The following TENM2 variants were observed in gnomAD, a reference collection of about 807,000 sequenced individuals.
TENM2 encodes teneurin-2.
In TENM2, 52 loss-of-function variants were observed where a neutral mutation model predicts 245.2. The ratio of observed to expected loss-of-function variants is 0.21; its 90% CI spans 0.17 to 0.27. TENM2 has a LOEUF of 0.27. Among genes scored for constraint, TENM2 ranks in the 10% least tolerant of loss-of-function variants. The pLI is 1.00. For synonymous variants in TENM2, 1,363 were observed against 1,438.9 expected (o/e 0.95, Z 1.19); for missense variants, 3,046 against 3,666.8 (o/e 0.83, Z 4.37).
chr5:167,740,384 C>T (rs190540743), intron 2 of TENM2, among the ~76,000 whole-genome samples: 93 of 152,286 alleles, frequency 6.1e-4, no homozygotes, highest in South Asian at 1.2e-3. Flanking sequence ...TGGGAAACCT[C>T]GTGCACCCAG....
chr5:167,382,314 A>G (rs1352407730), intron 2 of TENM2, among the ~76,000 whole-genome samples: 1 of 152,198 alleles, frequency 6.6e-6, no homozygotes, highest in African/African-American at 2.4e-5. Flanking sequence ...GTTGGAGACA[A>G]TAAAGCGAAG....
At chr5:167,525,709 G>A (rs1771065196) in intron 2 of TENM2, among the ~76,000 whole-genome samples, 1 of 151,908 alleles carries the variant, frequency 6.6e-6, no homozygotes, top group African/African-American at 2.4e-5. Flanking sequence ...TTTAAACTGC[G>A]ATCATTTTAT....
intron 5 of TENM2, among the ~76,000 whole-genome samples, chr5:168,017,655 C>T (rs1047021228): frequency 1.3e-5 from 2 of 152,174 alleles, no homozygotes; most frequent in African/African-American, 4.8e-5. Context: ...TTGGGATGCT[C>T]AAGGCCCATT....
At chr5:168,035,092 T>C (rs1331796467) in intron 5 of TENM2, among the ~76,000 whole-genome samples, 2 of 152,250 alleles carry the variant, frequency 1.3e-5, no homozygotes, top group Non-Finnish European at 2.9e-5. Flanking sequence ...AAAAAATCTT[T>C]TTACTGTCTC....
At chr5:167,643,385 T>A (rs1248937957) in intron 2 of TENM2, among the ~76,000 whole-genome samples, 1 of 151,988 alleles carries the variant, frequency 6.6e-6, no homozygotes, top group Non-Finnish European at 1.5e-5. Context: ...ATGCGGTCGC[T>A]TGTGTCTAGA....
At chr5:168,117,130 G>A (rs1274784030) in intron 9 of TENM2, among the ~76,000 whole-genome samples, 1 of 152,116 alleles carries the variant, frequency 6.6e-6, no homozygotes, top group Non-Finnish European at 1.5e-5. Context: ...CACATTTGAG[G>A]CCAAACTGAT....
At chr5:167,600,685 A>G (rs1447447988) in intron 2 of TENM2, among the ~76,000 whole-genome samples, 1 of 152,144 alleles carries the variant, frequency 6.6e-6, no homozygotes, top group East Asian at 1.9e-4. Flanking sequence ...CACTATCATA[A>G]CCCTGTCACG....
At chr5:167,366,579 TCGA>T (rs1387028318) in intron 1 of TENM2, among the ~76,000 whole-genome samples, 2 of 152,152 alleles carry the variant, frequency 1.3e-5, no homozygotes, top group Admixed American at 6.5e-5. Flanking sequence ...GACTATCTGG[TCGA>T]CAAGTATTTT....
intron 3 of TENM2, among the ~76,000 whole-genome samples, chr5:167,933,675 A>G (rs1419063607): frequency 2.0e-5 from 3 of 152,092 alleles, no homozygotes; most frequent in Non-Finnish European, 4.4e-5. Context: ...TGTGAAAAAA[A>G]AAAAGGCACA....
intron 2 of TENM2, among the ~76,000 whole-genome samples, chr5:167,718,967 A>ATATT (rs1759444502): frequency 6.6e-6 from 1 of 152,176 alleles, no homozygotes; most frequent in African/African-American, 2.4e-5. Flanking sequence ...CCCAAAAGAC[A>ATATT]TATTTATTAT....
the TENM2 span, among the ~76,000 whole-genome samples, chr5:167,084,364 T>TATATATATATATATAC: frequency 3.6e-5 from 4 of 111,152 alleles, no homozygotes; most frequent in South Asian, 2.6e-4. Flanking sequence ...TATATATATA[T>TATATATATATATATAC]ATACAGATCA....
At chr5:167,012,442 G>C in the TENM2 span, among the ~76,000 whole-genome samples, 1 of 152,178 alleles carries the variant, frequency 6.6e-6, no homozygotes, top group South Asian at 2.1e-4. Context: ...ATTTCAAATA[G>C]TAACTAGGCT....
the TENM2 span, among the ~76,000 whole-genome samples, chr5:167,223,917 T>C: frequency 6.6e-6 from 1 of 152,228 alleles, no homozygotes; most frequent in Admixed American, 6.5e-5. Context: ...TTTGTGGTTT[T>C]GATTCACATT....
At chr5:167,611,329 A>G (rs1478041875) in intron 2 of TENM2, among the ~76,000 whole-genome samples, 1 of 152,098 alleles carries the variant, frequency 6.6e-6, no homozygotes, top group Non-Finnish European at 1.5e-5. Context: ...CAGAGGTGTG[A>G]GGTGCCCAGT....
At chr5:167,061,094 AC>A in the TENM2 span, among the ~76,000 whole-genome samples, 2 of 15,622 alleles carry the variant, frequency 1.3e-4, no homozygotes, top group South Asian at 2.9e-3. Flanking sequence ...TCTCCAAAAC[AC>A]ACACACACAC....
rs188450046 is a variant in TENM2, at chr5:167,755,024, C to T, written c.503-120962C>T. On this transcript the variant is annotated intron_variant, in intron 2 of 28. Coordinates refer to ENST00000518659, the Ensembl canonical transcript of TENM2. Reference sequence around the variant, plus strand: ...TCTGTAGTTAGAGGGAAACACAAAACGAAGAGCGGCCCACTCCCAGCTTAC... The same window carrying T: ...TCTGTAGTTAGAGGGAAACACAAAATGAAGAGCGGCCCACTCCCAGCTTAC... The T allele has an allele frequency of 3.5e-4, 558 of 1,584,946 alleles. 4 individuals are homozygous for T. In the Admixed American group the frequency reaches 6.0e-3, roughly 17 times the overall value.
chr5:167,864,947 C>T (rs895987666), intron 2 of TENM2, among the ~76,000 whole-genome samples: 1 of 152,256 alleles, frequency 6.6e-6, no homozygotes, highest in African/African-American at 2.4e-5. Context: ...AGATGAATTC[C>T]TTTGCATCGT....
chr5:167,093,472 A>G, the TENM2 span, among the ~76,000 whole-genome samples: 1 of 152,240 alleles, frequency 6.6e-6, no homozygotes, highest in Non-Finnish European at 1.5e-5. Context: ...AACAAGGTTA[A>G]TAAAGGAGAC....
the TENM2 span, among the ~76,000 whole-genome samples, chr5:167,128,399 G>A: frequency 2.0e-5 from 3 of 152,046 alleles, no homozygotes; most frequent in Non-Finnish European, 2.9e-5. Context: ...CATCAGAAAC[G>A]CCCTAGAGGG....
Sources: gnomAD v4.1 joint callset for allele counts (sites outside exome capture counted in the v4.1 genomes callset) on GRCh38, gnomAD v4.1.1 for gene constraint, MANE v1.5 for transcripts, NCBI Gene and HGNC (gene_info 2026-07-23, HGNC 2026-07-21) for gene names.